SPHKAP: variants seen among roughly 807,000 people sequenced by gnomAD.
SPHKAP encodes SPHK1 interactor, AKAP domain containing.
A neutral mutation model predicts 137.5 loss-of-function variants in SPHKAP; 67 were observed. The observed-to-expected ratio is 0.49, with a 90% CI of 0.40 to 0.60. The LOEUF is 0.60. Ranked by LOEUF, SPHKAP falls within the 20% of genes least tolerant of loss-of-function variation. SPHKAP has a pLI of 0.00. For missense variants in SPHKAP, 2,097 were observed against 2,069.3 expected (o/e 1.01, Z -0.26); for synonymous variants, 813 against 785.3 (o/e 1.04, Z -0.59).
intron 3 of SPHKAP, among the ~76,000 whole-genome samples, chr2:228,084,108 GAAA>G (rs749630608): frequency 1.7e-5 from 2 of 120,358 alleles, no homozygotes; most frequent in Non-Finnish European, 3.7e-5. Flanking sequence ...AAAAGAAGAA[GAAA>G]AAAAAAAAAA....
In SPHKAP at chr2:228,129,773, G is replaced by T. The variant is rs1009082296; in HGVS notation, c.138+2207C>A. ...GCTAATGAAGTCATTTAGAATTAAAGATTAGCTTTAGTTTTAATTTTTTTC... is the reference window on the plus strand; with the variant it reads ...GCTAATGAAGTCATTTAGAATTAAATATTAGCTTTAGTTTTAATTTTTTTC... On this transcript the variant is annotated intron_variant, in intron 2 of 11. Coordinates refer to ENST00000392056, the MANE Select transcript of SPHKAP (RefSeq NM_001142644.2). 2.7e-5 allele frequency among the ~76,000 whole-genome samples: 4 copies of T among 150,308 alleles called. No homozygotes were observed. The South Asian group carries it at 8.4e-4, about 32-fold the overall frequency.
At chr2:228,015,608 A>G (rs1034885191) in intron 7 of SPHKAP, among the ~76,000 whole-genome samples, 30 of 152,346 alleles carry the variant, frequency 2.0e-4, no homozygotes, top group African/African-American at 7.0e-4. Flanking sequence ...GCAGCCTCAG[A>G]GAAATTATTA....
intron 1 of SPHKAP, among the ~76,000 whole-genome samples, chr2:228,179,148 G>C (rs558684952): frequency 9.3e-4 from 142 of 152,144 alleles, no homozygotes; most frequent in African/African-American, 3.2e-3. Context: ...TGATTAAGTA[G>C]AATGTCTTAA....
In SPHKAP at chr2:228,016,984, A is replaced by G; in HGVS notation, c.3870T>C (p.Ser1290=). Residue 1290 remains serine (S), a synonymous_variant, in exon 7 of 12, where the codon TCT becomes TCC. Transcript: ENST00000392056. ...ASSSGLCKSD[S]CLYRRGGTDH... is the part of the protein sequence containing the mutation. ...CAGTCCCACCTCTCCGATACAAGCA[A>G]GAGTCAGATTTGCAGAGACCGGATG... is the stretch of plus-strand genomic sequence containing the variant. 2 of 1,614,144 alleles carry G rather than the reference A, an allele frequency of 1.2e-6. No individual in the cohort carries two copies. Among genetic ancestry groups the G allele is most frequent in the South Asian group, 1.1e-5 (1 of 91,078 alleles).
intron 2 of SPHKAP, among the ~76,000 whole-genome samples, chr2:228,114,081 AAGGAAAAG>A (rs1302796718): frequency 6.6e-6 from 1 of 152,122 alleles, no homozygotes; most frequent in Non-Finnish European, 1.5e-5. Context: ...GCTTTCTGAG[AAGGAAAAG>A]AGAAAAACTC....
chr2:227,992,087 T>C (rs1277075301), intron 9 of SPHKAP, among the ~76,000 whole-genome samples: 1 of 152,104 alleles, frequency 6.6e-6, no homozygotes, highest in East Asian at 1.9e-4. Flanking sequence ...AGTAAGAACA[T>C]ATGGCCAGCA....
At chr2:228,116,580 C>T (rs1574863767) in intron 2 of SPHKAP, among the ~76,000 whole-genome samples, 1 of 152,206 alleles carries the variant, frequency 6.6e-6, no homozygotes, top group Middle Eastern at 3.4e-3. Context: ...CTTCAATTGA[C>T]TAACTGATCC....
chr2:228,179,980 G>T (rs116373888), intron 1 of SPHKAP, among the ~76,000 whole-genome samples: 2,316 of 152,300 alleles, frequency 0.015, 47 homozygotes, highest in African/African-American at 0.051. Context: ...ATGACCATTT[G>T]CCCTAGACAG....
In SPHKAP at chr2:228,021,175, G is replaced by A. The variant is rs777896534; in HGVS notation, c.697+536C>T. The stretch of plus-strand genomic sequence containing the variant: ...TCAACAGGAAGAGCTGAATAAATGG[G>A]TACTAAGCACTTTCCTGGATTATCT... On this transcript the variant is annotated intron_variant, in intron 6 of 11. Coordinates refer to ENST00000392056, the MANE Select transcript of SPHKAP (RefSeq NM_001142644.2). Among the ~76,000 whole-genome samples, 5 of 152,226 alleles carry A rather than the reference G, an allele frequency of 3.3e-5. No homozygotes were observed. The South Asian group carries it at 8.3e-4, about 25-fold the overall frequency.
chr2:228,012,269 C>G (rs1694415555), intron 7 of SPHKAP, among the ~76,000 whole-genome samples: 1 of 150,532 alleles, frequency 6.6e-6, no homozygotes, highest in Non-Finnish European at 1.5e-5. Context: ...AGCTTATTTG[C>G]TTGTCTTCCT....
At chr2:228,118,110 C>T (rs12621548) in intron 2 of SPHKAP, among the ~76,000 whole-genome samples, 52,259 of 151,670 alleles carry the variant, frequency 0.34, 9,278 homozygotes, top group East Asian at 0.51. Context: ...TCCTATAATA[C>T]GTAGCCTTTT....
intron 1 of SPHKAP, among the ~76,000 whole-genome samples, chr2:228,169,274 A>T (rs4344926): frequency 0.13 from 19,390 of 152,206 alleles, 1,258 homozygotes; most frequent in East Asian, 0.2. Flanking sequence ...TCCTTACATT[A>T]GAACAAGATG....
intron 3 of SPHKAP, among the ~76,000 whole-genome samples, chr2:228,084,252 A>G (rs1463504415): frequency 6.6e-6 from 1 of 152,158 alleles, no homozygotes; most frequent in African/African-American, 2.4e-5. Flanking sequence ...CATGTTCATA[A>G]TGGCCTCTTG....
Position 228,134,352 on chromosome 2 carries a change from A to G in SPHKAP, c.33-2267T>C, listed in dbSNP as rs143604264. 2.0e-4 allele frequency among the ~76,000 whole-genome samples: 31 copies of G among 152,298 alleles called. No individual in the cohort carries two copies. The South Asian group carries it at 2.7e-3, about 13-fold the overall frequency. On this transcript the variant is annotated intron_variant, in intron 1 of 11. Coordinates refer to ENST00000392056, the MANE Select transcript of SPHKAP (RefSeq NM_001142644.2). ...GCTGCCAATCCTGACCTATTCTGCC[A>G]CCTAGCCTTTCTGAGTCTTAGTCTC...
In SPHKAP at chr2:228,016,692, T is replaced by C; in HGVS notation, c.4162A>G (p.Ser1388Gly). The change falls in exon 7 of 12, where the codon AGC (serine) becomes GGC (glycine). Residue 1388 changes from serine (S) to glycine (G), a missense_variant. Ser to Gly is a moderately conservative substitution (Grantham distance 56). Transcript: ENST00000392056. ...TGGTTTGTAAGAGAAGCAGTTTTGC[T>C]CAAAGATGACACTGGGGGCTGTTTA... ...ECKQPPVSSL[S>G]KTASLTNHSP... 6.2e-7 allele frequency: 1 copy of C among 1,614,128 alleles called. No individual in the cohort carries two copies. Among genetic ancestry groups the C allele is most frequent in the African/African-American group, 1.3e-5 (1 of 75,016 alleles).
intron 7 of SPHKAP, among the ~76,000 whole-genome samples, chr2:228,000,082 C>A (rs192616662): frequency 6.6e-6 from 1 of 152,356 alleles, no homozygotes; most frequent in East Asian, 1.9e-4. Flanking sequence ...AACCCTCCTG[C>A]CCTCTAACCT....
At chr2:228,090,915 T>C (rs1227209089) in intron 3 of SPHKAP, among the ~76,000 whole-genome samples, 3 of 152,292 alleles carry the variant, frequency 2.0e-5, no homozygotes, top group African/African-American at 7.2e-5. Flanking sequence ...GCCAATTAAA[T>C]CTCTCTTCTT....
At position 228,118,593 on chromosome 2, in the gene SPHKAP, C is replaced by T. The variant is rs532325359; in HGVS notation, c.139-9654G>A. Among the ~76,000 whole-genome samples the T allele has an allele frequency of 1.1e-4, 16 of 152,036 alleles. No homozygotes were observed. In the East Asian group the frequency reaches 2.3e-3, roughly 22 times the overall value. On this transcript the variant is annotated intron_variant, in intron 2 of 11. Coordinates refer to ENST00000392056, the MANE Select transcript of SPHKAP (RefSeq NM_001142644.2). ...AACAGGTGATAGTGGTATTTCTTTG[C>T]GGTTTGTTTTACTTTCCATTTTAAG...
At chr2:228,106,004 T>C (rs1329189268) in intron 3 of SPHKAP, among the ~76,000 whole-genome samples, 1 of 152,226 alleles carries the variant, frequency 6.6e-6, no homozygotes, top group Non-Finnish European at 1.5e-5. Flanking sequence ...CTGTTCCGCA[T>C]GCCTATCATA....
Sources: gnomAD v4.1 joint callset for allele counts (sites outside exome capture counted in the v4.1 genomes callset) on GRCh38, gnomAD v4.1.1 for gene constraint, MANE v1.5 for transcripts, NCBI Gene and HGNC (gene_info 2026-07-23, HGNC 2026-07-21) for gene names.